Variants in C1orf185 observed in about 807,000 individuals in gnomAD.
C1orf185 encodes the protein uncharacterized protein C1orf185.
A neutral mutation model predicts 16.1 loss-of-function variants in C1orf185; 13 were observed. That is an observed-to-expected ratio of 0.81 (90% CI 0.53 to 1.28). The LOEUF (loss-of-function observed/expected upper bound fraction) is 1.28. Among genes scored for constraint, C1orf185 ranks in the 50% most tolerant of loss-of-function variants. The probability of loss-of-function intolerance (pLI) is 0.00; values close to 1 mark genes in which losing one functional copy is unlikely to be tolerated. For synonymous variants in C1orf185, 80 were observed against 76.9 expected, an observed-to-expected ratio of 1.04 and a Z score of -0.21; for missense variants, 220 against 225.2, an observed-to-expected ratio of 0.98 and a Z score of 0.15.
rs534146716 is a variant in C1orf185 at position 51,123,754 on chromosome 1, CAT to C, written c.258+4954_258+4955del. ...ATTTTAATTTGCAATTCCCTAGTAACATGTGATGTTGAACACCTTTTCATGTG... is the reference window on the plus strand; with the variant it reads ...ATTTTAATTTGCAATTCCCTAGTAACGTGATGTTGAACACCTTTTCATGTG... On this transcript the variant is annotated intron_variant, in intron 3 of 4. Transcript: ENST00000371759. Among the ~76,000 whole-genome samples, 23 of 152,254 alleles carry C rather than the reference CAT, an allele frequency of 1.5e-4. No individual in the cohort carries two copies. The South Asian group carries it at 1.9e-3, about 12-fold the overall frequency.
intron 3 of C1orf185, among the ~76,000 whole-genome samples, chr1:51,138,518 G>T (rs1391609986): frequency 2.0e-5 from 3 of 149,630 alleles, no homozygotes; most frequent in Non-Finnish European, 3.0e-5. Flanking sequence ...TCAGCCTCCT[G>T]AGTAGCTGGG....
At chr1:51,133,871 A>T (rs1425260187) in intron 3 of C1orf185, among the ~76,000 whole-genome samples, 1 of 152,222 alleles carries the variant, frequency 6.6e-6, no homozygotes, top group Non-Finnish European at 1.5e-5. Flanking sequence ...AGGCCAAAGC[A>T]GACAGTTTGA....
chr1:51,116,826 T>A, intron 2 of C1orf185, among the ~76,000 whole-genome samples: 1 of 152,072 alleles, frequency 6.6e-6, no homozygotes, highest in East Asian at 1.9e-4. Flanking sequence ...TGTCTAGATA[T>A]ACTTACTTTC....
chr1:51,111,699 T>C (rs923401394), intron 1 of C1orf185, among the ~76,000 whole-genome samples: 1 of 152,212 alleles, frequency 6.6e-6, no homozygotes, highest in African/African-American at 2.4e-5. Context: ...TCTGTATTTT[T>C]AGTAGAGACA....
At chr1:51,145,254 A>G (rs1407578269) in intron 3 of C1orf185, among the ~76,000 whole-genome samples, 1 of 151,938 alleles carries the variant, frequency 6.6e-6, no homozygotes, top group Admixed American at 6.6e-5. Context: ...GCAGTGAGCT[A>G]TGATCATGCC....
intron 3 of C1orf185, among the ~76,000 whole-genome samples, chr1:51,143,596 T>C (rs1159691753): frequency 2.0e-5 from 3 of 152,190 alleles, no homozygotes; most frequent in East Asian, 3.8e-4. Context: ...AGAATATGCA[T>C]TGTATTAATA....
intron 3 of C1orf185, among the ~76,000 whole-genome samples, chr1:51,142,609 A>T (rs1646372483): frequency 6.6e-6 from 1 of 152,118 alleles, no homozygotes; most frequent in African/African-American, 2.4e-5. Flanking sequence ...TCTCTCCTTG[A>T]ATGAGTTTTG....
intron 3 of C1orf185, among the ~76,000 whole-genome samples, chr1:51,144,318 T>C (rs1038090621): frequency 3.2e-4 from 48 of 152,318 alleles, no homozygotes; most frequent in African/African-American, 1.1e-3. Context: ...AAGTAATTTA[T>C]ACAGGAGTCA....
At chr1:51,113,082 G>A (rs562401251) in intron 2 of C1orf185, among the ~76,000 whole-genome samples, 14 of 151,938 alleles carry the variant, frequency 9.2e-5, no homozygotes, top group African/African-American at 3.1e-4. Flanking sequence ...GCCTCCCAAA[G>A]TGCTGGGATT....
downstream of C1orf185, among the ~76,000 whole-genome samples, chr1:51,150,472 C>T (rs1420756619): frequency 2.0e-5 from 3 of 152,074 alleles, no homozygotes; most frequent in East Asian, 1.9e-4. Context: ...GGATTACAGG[C>T]GTGAGCCACC....
intron 1 of C1orf185, among the ~76,000 whole-genome samples, chr1:51,111,940 G>A (rs1288912812): frequency 6.6e-6 from 1 of 152,180 alleles, no homozygotes; most frequent in Admixed American, 6.5e-5. Context: ...GGGATTACAG[G>A]CATGAGCCGC....
intron 3 of C1orf185, among the ~76,000 whole-genome samples, chr1:51,143,661 A>G (rs956762370): frequency 2.0e-5 from 3 of 152,202 alleles, no homozygotes; most frequent in African/African-American, 7.2e-5. Flanking sequence ...TATAAAAATT[A>G]ATTGATTAAT....
In C1orf185 at chr1:51,131,785, G is replaced by A. The variant is rs1052881585; in HGVS notation, c.258+12984G>A. Among the ~76,000 whole-genome samples, 33 of 152,290 alleles carry A rather than the reference G, an allele frequency of 2.2e-4. No individual in the cohort carries two copies. In the South Asian group the frequency reaches 3.7e-3, roughly 17 times the overall value. ...GGATTGCTGGCCAGTAGAAATAGTC[G>A]TTTTCTGGCTAGTACATAGAAATGA... On this transcript the variant is annotated intron_variant, in intron 3 of 4. Coordinates refer to ENST00000371759, the MANE Select transcript of C1orf185 (RefSeq NM_001136508.2).
At chr1:51,131,613 AAAAG>A (rs1221033644) in intron 3 of C1orf185, among the ~76,000 whole-genome samples, 7 of 152,188 alleles carry the variant, frequency 4.6e-5, no homozygotes, top group African/African-American at 1.4e-4. Flanking sequence ...ATCTCTAGCA[AAAAG>A]AAAGAGAGAG....
chr1:51,148,662 C>T (rs1646415935), downstream of C1orf185, among the ~76,000 whole-genome samples: 1 of 152,180 alleles, frequency 6.6e-6, no homozygotes. Flanking sequence ...CACAGTGGCT[C>T]ATGCCTGTAG....
intron 2 of C1orf185, among the ~76,000 whole-genome samples, chr1:51,115,890 G>A (rs74080729): frequency 0.015 from 2,326 of 152,200 alleles, 51 homozygotes; most frequent in African/African-American, 0.055. Flanking sequence ...AGATCTTGTT[G>A]ACAGATTGGA....
At chr1:51,129,313 C>T (rs950671655) in intron 3 of C1orf185, among the ~76,000 whole-genome samples, 1 of 152,172 alleles carries the variant, frequency 6.6e-6, no homozygotes, top group African/African-American at 2.4e-5. Flanking sequence ...GCCCATGCTA[C>T]CCTTTATAAT....
At chr1:51,130,728 AT>A (rs138822466) in intron 3 of C1orf185, among the ~76,000 whole-genome samples, 5,047 of 152,100 alleles carry the variant, frequency 0.033, 138 homozygotes, top group Non-Finnish European at 0.051. Context: ...TCTGAGTTCT[AT>A]TTCATTGATG....
At chr1:51,116,621 C>T (rs1051398943) in intron 2 of C1orf185, among the ~76,000 whole-genome samples, 5 of 151,922 alleles carry the variant, frequency 3.3e-5, no homozygotes, top group African/African-American at 7.3e-5. Flanking sequence ...GCCCAAACTA[C>T]CCTTCTACCC....
Sources: allele counts gnomAD v4.1 joint callset (sites outside exome capture counted in the v4.1 genomes callset), GRCh38; gene constraint gnomAD v4.1.1; transcripts MANE v1.5; gene names NCBI Gene and HGNC (gene_info 2026-07-23, HGNC 2026-07-21).